Variants in IQGAP2 observed in about 807,000 individuals in gnomAD.
The protein encoded by IQGAP2 is ras GTPase-activating-like protein IQGAP2.
IQGAP2 carries 173 observed loss-of-function variants against 201.3 expected under a neutral mutation model. That is an observed-to-expected ratio of 0.86 (90% CI 0.76 to 0.98). IQGAP2 has a LOEUF of 0.98. IQGAP2 is among the 50% of genes least tolerant of loss of function. IQGAP2 has a pLI of 0.00. For synonymous variants in IQGAP2, 675 were observed against 673.9 expected (o/e 1.00, Z -0.03); for missense variants, 1,687 against 1,864.8 (o/e 0.90, Z 1.76).
intron 2 of IQGAP2, among the ~76,000 whole-genome samples, chr5:76,511,266 C>T (rs1462934552): frequency 6.6e-6 from 1 of 152,216 alleles, no homozygotes; most frequent in Non-Finnish European, 1.5e-5. Flanking sequence ...GTCACATCTC[C>T]GAGATCCTTT....
At chr5:76,460,281 TG>T (rs1754362435) in intron 1 of IQGAP2, among the ~76,000 whole-genome samples, 1 of 152,196 alleles carries the variant, frequency 6.6e-6, no homozygotes, top group Admixed American at 6.5e-5. Flanking sequence ...GGTGGGAGAA[TG>T]GCTTTCCAGG....
intron 28 of IQGAP2, among the ~76,000 whole-genome samples, chr5:76,680,547 C>G (rs1264113256): frequency 6.6e-6 from 1 of 151,918 alleles, no homozygotes; most frequent in African/African-American, 2.4e-5. Context: ...TGAGGCTAGA[C>G]GTGGTGGCTG....
At chr5:76,484,333 G>A (rs983578735) in intron 2 of IQGAP2, among the ~76,000 whole-genome samples, 25 of 152,304 alleles carry the variant, frequency 1.6e-4, no homozygotes, top group African/African-American at 5.5e-4. Flanking sequence ...TTGCAGATGT[G>A]GGGGCGCAGG....
At chr5:76,554,375 A>G (rs1561459157) in intron 2 of IQGAP2, among the ~76,000 whole-genome samples, 1 of 152,236 alleles carries the variant, frequency 6.6e-6, no homozygotes, top group Non-Finnish European at 1.5e-5. Context: ...GAAAGTGAAA[A>G]GACGGCTCAC....
At chr5:76,667,704 C>T (rs1447805350) in intron 22 of IQGAP2, among the ~76,000 whole-genome samples, 1 of 152,116 alleles carries the variant, frequency 6.6e-6, no homozygotes, top group Non-Finnish European at 1.5e-5. Flanking sequence ...CTTCAGCCTC[C>T]CTACCTCACT....
chr5:76,429,860 G>GACACACACACACACAC (rs56031811), intron 1 of IQGAP2, among the ~76,000 whole-genome samples: 191 of 144,624 alleles, frequency 1.3e-3, no homozygotes, highest in African/African-American at 4.3e-3. Context: ...AGGAGACACA[G>GACACACACACACACAC]ACACACACAC....
chr5:76,575,022 C>T (rs573961845), intron 4 of IQGAP2, among the ~76,000 whole-genome samples: 24 of 152,040 alleles, frequency 1.6e-4, no homozygotes, highest in African/African-American at 5.5e-4. Flanking sequence ...ACACTAAGTA[C>T]AATTTTGTTT....
At chr5:76,496,061 C>G (rs1164732974) in intron 2 of IQGAP2, among the ~76,000 whole-genome samples, 1 of 152,138 alleles carries the variant, frequency 6.6e-6, no homozygotes, top group East Asian at 1.9e-4. Context: ...GAAGAGCAGC[C>G]CTCAGCGGAG....
intron 35 of IQGAP2, 149 bp from the exon 36 acceptor site, chr5:76,707,051 G>A (rs1186467967): frequency 2.0e-5 from 12 of 599,018 alleles, no homozygotes; most frequent in Non-Finnish European, 3.0e-5. Context: ...TAAGCCAGGA[G>A]TTTGAGACCA....
chr5:76,581,902 A>G (rs557079775), intron 5 of IQGAP2, among the ~76,000 whole-genome samples: 1 of 152,370 alleles, frequency 6.6e-6, no homozygotes, highest in African/African-American at 2.4e-5. Flanking sequence ...AAAAGTAAGA[A>G]AACCACTTTG....
intron 30 of IQGAP2, 42 bp downstream of exon 30, chr5:76,683,959 T>C (rs1745526058): frequency 6.5e-7 from 1 of 1,533,818 alleles, no homozygotes; most frequent in Non-Finnish European, 8.8e-7. Flanking sequence ...CAAATACACA[T>C]CTTAAATGAT....
intron 5 of IQGAP2, among the ~76,000 whole-genome samples, chr5:76,581,041 C>T (rs1226766798): frequency 1.3e-5 from 2 of 152,184 alleles, no homozygotes; most frequent in East Asian, 3.8e-4. Context: ...GTAGCTGTGT[C>T]GCAGCAGCCA....
chr5:76,497,813 A>C (rs575029209), intron 2 of IQGAP2, among the ~76,000 whole-genome samples: 1 of 152,348 alleles, frequency 6.6e-6, no homozygotes, highest in African/African-American at 2.4e-5. Context: ...GATGACAAGG[A>C]AGGATGATTG....
In IQGAP2 at chr5:76,461,617, A is replaced by C; in HGVS notation, c.94A>C (p.Arg32=). The C allele has an allele frequency of 6.2e-7, 1 of 1,614,042 alleles. No individual in the cohort carries two copies. The highest frequency in any genetic ancestry group is 8.5e-7 in the Non-Finnish European group (1 of 1,179,914). Residue 32 remains arginine (R), a synonymous_variant, in exon 2 of 36, where the codon AGG becomes CGG. Coordinates refer to ENST00000274364, the MANE Select transcript of IQGAP2 (RefSeq NM_006633.5). The part of the protein sequence containing the change: ...RLSAEEMDER[R]RQNIAYEYLC... ...CTCTGCAGAGGAGATGGATGAGAGG[A>C]GGCGGCAGAACATTGCTTATGAATA...
At chr5:76,438,038 T>G (rs200983120) in intron 1 of IQGAP2, among the ~76,000 whole-genome samples, 2 of 117,092 alleles carry the variant, frequency 1.7e-5, no homozygotes, top group Non-Finnish European at 3.2e-5. Flanking sequence ...TTTGTTTGTT[T>G]TTTTTTTTGT....
chr5:76,574,251 C>G (rs578260416), intron 4 of IQGAP2, among the ~76,000 whole-genome samples: 1 of 152,262 alleles, frequency 6.6e-6, no homozygotes, highest in South Asian at 2.1e-4. Context: ...TGCTTAGGAA[C>G]AGAGAAGTTT....
chr5:76,504,005 C>T (rs1757447432), intron 2 of IQGAP2, among the ~76,000 whole-genome samples: 1 of 152,222 alleles, frequency 6.6e-6, no homozygotes, highest in Admixed American at 6.5e-5. Context: ...TCTCACAAGA[C>T]TTGACCAGAT....
chr5:76,575,121 G>A (rs1267393067), intron 4 of IQGAP2, among the ~76,000 whole-genome samples: 2 of 152,174 alleles, frequency 1.3e-5, no homozygotes, highest in African/African-American at 4.8e-5. Flanking sequence ...ATTGCTAATA[G>A]TGACAATCTG....
chr5:76,598,922 A>G (rs576635617), intron 10 of IQGAP2, among the ~76,000 whole-genome samples: 1 of 152,348 alleles, frequency 6.6e-6, no homozygotes, highest in Non-Finnish European at 1.5e-5. Context: ...AAGTGGGAAA[A>G]ATAAGATTAA....
Sources: allele counts gnomAD v4.1 joint callset (sites outside exome capture counted in the v4.1 genomes callset), GRCh38; gene constraint gnomAD v4.1.1; transcripts MANE v1.5; gene names NCBI Gene and HGNC (gene_info 2026-07-23, HGNC 2026-07-21).